The following AKAP19 variants were observed in gnomAD, a reference collection of about 807,000 sequenced individuals.
AKAP19 encodes the protein A-kinase anchoring protein 19.
At chr2:189,920,919 T>C in the AKAP19 span, among the ~76,000 whole-genome samples, 3 of 152,184 alleles carry the variant, frequency 2.0e-5, no homozygotes, top group African/African-American at 7.2e-5. Context: ...TCAGGATAAC[T>C]TATTCTGGCC....
chr2:189,954,302 A>G, the AKAP19 span, among the ~76,000 whole-genome samples: 9 of 152,250 alleles, frequency 5.9e-5, no homozygotes, highest in Non-Finnish European at 1.2e-4. Context: ...ATAAATTTGC[A>G]TATGTACACA....
At chr2:190,135,941 G>A in the AKAP19 span, among the ~76,000 whole-genome samples, 1 of 152,158 alleles carries the variant, frequency 6.6e-6, no homozygotes, top group African/African-American at 2.4e-5. Flanking sequence ...TGGAGGAAGT[G>A]GGAATTTGGA....
chr2:190,062,271 T>C, the AKAP19 span: 1 of 1,613,196 alleles, frequency 6.2e-7, no homozygotes, highest in Non-Finnish European at 8.5e-7. Flanking sequence ...GTGATAATCG[T>C]CATCTTCCAA....
chr2:189,922,208 G>C, the AKAP19 span, among the ~76,000 whole-genome samples: 1 of 152,152 alleles, frequency 6.6e-6, no homozygotes, highest in Admixed American at 6.6e-5. Flanking sequence ...GTAATAGCAA[G>C]AAAGGAGACT....
the AKAP19 span, among the ~76,000 whole-genome samples, chr2:189,931,533 A>C: frequency 6.6e-6 from 1 of 151,926 alleles, no homozygotes; most frequent in Non-Finnish European, 1.5e-5. Flanking sequence ...GGCTAATTAA[A>C]AATTTTTTTG....
At chr2:190,097,794 G>A in the AKAP19 span, among the ~76,000 whole-genome samples, 1 of 138,294 alleles carries the variant, frequency 7.2e-6, no homozygotes, top group African/African-American at 2.7e-5. Flanking sequence ...AGGCCAAGGT[G>A]AGAGGATCAC....
At chr2:190,070,665 TGTAA>T in the AKAP19 span, among the ~76,000 whole-genome samples, 1 of 144,302 alleles carries the variant, frequency 6.9e-6, no homozygotes. Flanking sequence ...GAATAAAATA[TGTAA>T]GTAAGACATT....
At chr2:190,139,408 G>A in the AKAP19 span, among the ~76,000 whole-genome samples, 1 of 152,150 alleles carries the variant, frequency 6.6e-6, no homozygotes, top group Non-Finnish European at 1.5e-5. Flanking sequence ...AGAATTTATA[G>A]GACCTGAATA....
the AKAP19 span, among the ~76,000 whole-genome samples, chr2:190,194,402 T>C: frequency 6.6e-6 from 1 of 150,996 alleles, no homozygotes; most frequent in Non-Finnish European, 1.5e-5. Flanking sequence ...AAAAAAATAA[T>C]AGACTGTTTT....
chr2:189,907,518 C>T, the AKAP19 span, among the ~76,000 whole-genome samples: 5 of 152,034 alleles, frequency 3.3e-5, no homozygotes, highest in African/African-American at 1.2e-4. Context: ...ACTATATAAT[C>T]TACGTTATTT....
the AKAP19 span, among the ~76,000 whole-genome samples, chr2:190,160,316 A>G: frequency 8.7e-5 from 13 of 148,856 alleles, no homozygotes; most frequent in Non-Finnish European, 1.2e-4. Flanking sequence ...ACCTGTCTGG[A>G]TGGCACTAGG....
the AKAP19 span, chr2:189,930,285 G>T: frequency 3.5e-6 from 2 of 566,042 alleles, no homozygotes; most frequent in Non-Finnish European, 5.3e-6. Flanking sequence ...TAGGTTGAAA[G>T]CAGTGCTGCA....
chr2:190,192,896 TTTTG>T, the AKAP19 span, among the ~76,000 whole-genome samples: 1 of 152,158 alleles, frequency 6.6e-6, no homozygotes, highest in Non-Finnish European at 1.5e-5. Flanking sequence ...AGTAAATTTT[TTTTG>T]GGGGGAGGCC....
At chr2:190,090,176 A>G in the AKAP19 span, among the ~76,000 whole-genome samples, 1 of 152,138 alleles carries the variant, frequency 6.6e-6, no homozygotes, top group African/African-American at 2.4e-5. Flanking sequence ...GCCATTTCCA[A>G]TATTATTGTG....
At chr2:190,138,067 G>T in the AKAP19 span, among the ~76,000 whole-genome samples, 4 of 152,158 alleles carry the variant, frequency 2.6e-5, no homozygotes, top group Non-Finnish European at 1.5e-5. Context: ...TTCTTAAGTG[G>T]TCTAGGATTA....
chr2:190,023,644 T>G, the AKAP19 span, among the ~76,000 whole-genome samples: 1 of 151,758 alleles, frequency 6.6e-6, no homozygotes, highest in African/African-American at 2.4e-5. Flanking sequence ...ATTTTTAAAA[T>G]TTACATTCTT....
At chr2:190,135,999 A>G in the AKAP19 span, among the ~76,000 whole-genome samples, 1 of 152,186 alleles carries the variant, frequency 6.6e-6, no homozygotes, top group African/African-American at 2.4e-5. Context: ...AAACAAAAGC[A>G]TTAGGGGCAT....
chr2:190,097,028 C>T, the AKAP19 span, among the ~76,000 whole-genome samples: 1 of 152,142 alleles, frequency 6.6e-6, no homozygotes, highest in East Asian at 1.9e-4. Flanking sequence ...ACATTCAAAC[C>T]AGAGCAATTC....
chr2:190,131,978 A>G, the AKAP19 span, among the ~76,000 whole-genome samples: 1 of 152,230 alleles, frequency 6.6e-6, no homozygotes, highest in African/African-American at 2.4e-5. Flanking sequence ...GTTATTTTGC[A>G]GGATACAGAA....
Sources: allele counts gnomAD v4.1 joint callset (sites outside exome capture counted in the v4.1 genomes callset), GRCh38; gene constraint gnomAD v4.1.1; transcripts MANE v1.5; gene names NCBI Gene and HGNC (gene_info 2026-07-23, HGNC 2026-07-21).